Variants in HPGDS observed in about 807,000 individuals in gnomAD.
The protein encoded by HPGDS is GST class-sigma.
A neutral mutation model predicts 23.1 loss-of-function variants in HPGDS; 26 were observed. That is an observed-to-expected ratio of 1.13 (90% CI 0.83 to 1.56). The LOEUF (loss-of-function observed/expected upper bound fraction) is 1.56, where lower values mean the gene tolerates loss of function less well. Among genes scored for constraint, HPGDS ranks in the 40% most tolerant of loss-of-function variants. The pLI, the probability that HPGDS is intolerant of heterozygous loss-of-function variation, is 0.00. For synonymous variants in HPGDS, 95 were observed against 77.9 expected (o/e 1.22, Z -1.16); for missense variants, 268 against 236.4 (o/e 1.13, Z -0.88).
intron 1 of HPGDS, among the ~76,000 whole-genome samples, chr4:94,340,311 C>CTTT (rs869240610): frequency 2.5e-4 from 6 of 23,672 alleles, no homozygotes; most frequent in African/African-American, 8.8e-4. Context: ...CTTTCTTTCT[C>CTTT]TTTTTTTTTT....
chr4:94,330,442 TC>T (rs1397288760), intron 2 of HPGDS, among the ~76,000 whole-genome samples: 3 of 152,190 alleles, frequency 2.0e-5, no homozygotes, highest in Non-Finnish European at 4.4e-5. Context: ...AGCTTTTTTT[TC>T]CATGACGTCT....
At chr4:94,326,830 C>T (rs1756639689) in intron 2 of HPGDS, among the ~76,000 whole-genome samples, 1 of 151,816 alleles carries the variant, frequency 6.6e-6, no homozygotes, top group African/African-American at 2.4e-5. Context: ...AGTAGTCGCT[C>T]CTTTCAGTTT....
chr4:94,311,809 T>C (rs1351870198), intron 3 of HPGDS, among the ~76,000 whole-genome samples: 1 of 151,340 alleles, frequency 6.6e-6, no homozygotes, highest in African/African-American at 2.5e-5. Context: ...ATTGCCTCAA[T>C]TTGAGAGTCT....
intron 4 of HPGDS, among the ~76,000 whole-genome samples, chr4:94,303,348 G>T (rs974373271): frequency 6.6e-6 from 1 of 152,064 alleles, no homozygotes; most frequent in Non-Finnish European, 1.5e-5. Context: ...TCAGATATCG[G>T]TTCTTGAGAT....
intron 3 of HPGDS, among the ~76,000 whole-genome samples, chr4:94,315,709 G>A (rs138872388): frequency 1.4e-4 from 21 of 152,218 alleles, no homozygotes; most frequent in East Asian, 9.7e-4. Flanking sequence ...TGTTAAAATC[G>A]AAAGAAAATT....
chr4:94,318,776 G>A (rs201030247), intron 2 of HPGDS, among the ~76,000 whole-genome samples: 5 of 152,010 alleles, frequency 3.3e-5, no homozygotes, highest in Admixed American at 6.6e-5. Flanking sequence ...GCAGTGGTGC[G>A]ATCTCAGCTC....
At chr4:94,300,672 T>C (rs909979748) in intron 5 of HPGDS, among the ~76,000 whole-genome samples, 1 of 152,090 alleles carries the variant, frequency 6.6e-6, no homozygotes, top group Non-Finnish European at 1.5e-5. Flanking sequence ...CCTTCTCTCA[T>C]GTAGCTTTTA....
At chr4:94,317,238 A>G (rs1756415062) in intron 3 of HPGDS, among the ~76,000 whole-genome samples, 1 of 152,172 alleles carries the variant, frequency 6.6e-6, no homozygotes, top group South Asian at 2.1e-4. Flanking sequence ...TTTGGCTCAA[A>G]AAGGGTGTGA....
At chr4:94,300,259 A>G (rs532882883) in intron 5 of HPGDS, among the ~76,000 whole-genome samples, 3 of 152,360 alleles carry the variant, frequency 2.0e-5, no homozygotes, top group Non-Finnish European at 4.4e-5. Context: ...TGGCTAAAAT[A>G]CATTATATTG....
At chr4:94,302,647 T>C (rs1756065343) in intron 4 of HPGDS, among the ~76,000 whole-genome samples, 1 of 152,238 alleles carries the variant, frequency 6.6e-6, no homozygotes, top group Middle Eastern at 3.4e-3. Flanking sequence ...AGAAATTTAT[T>C]TTATTTCGTA....
intron 4 of HPGDS, among the ~76,000 whole-genome samples, chr4:94,306,028 G>A (rs1290624463): frequency 6.6e-6 from 1 of 152,098 alleles, no homozygotes; most frequent in East Asian, 1.9e-4. Context: ...ATAACACATA[G>A]AGCTGAGAGT....
chr4:94,299,780 T>A (rs552848541), intron 5 of HPGDS, 136 bp from the exon 6 acceptor site: 45 of 807,266 alleles, frequency 5.6e-5, no homozygotes, highest in African/African-American at 5.4e-4. Context: ...GTTTATATGA[T>A]AGAAGTTCAG....
chr4:94,322,478 G>C (rs1756534766), intron 2 of HPGDS, among the ~76,000 whole-genome samples: 2 of 152,198 alleles, frequency 1.3e-5, no homozygotes, highest in Non-Finnish European at 1.5e-5. Context: ...ACTTCTTCCT[G>C]GTTTATTTTG....
intron 1 of HPGDS, among the ~76,000 whole-genome samples, chr4:94,337,700 A>G (rs1041317844): frequency 6.6e-6 from 1 of 152,206 alleles, no homozygotes; most frequent in Non-Finnish European, 1.5e-5. Context: ...AGTTAACAGC[A>G]TTAAAAGTTA....
At chr4:94,309,739 CCCA>C (rs1385845468) in intron 3 of HPGDS, among the ~76,000 whole-genome samples, 1 of 151,728 alleles carries the variant, frequency 6.6e-6, no homozygotes, top group African/African-American at 2.4e-5. Context: ...AGTTTACAGT[CCCA>C]CCAACAGTGT....
chr4:94,333,292 C>G (rs746663483), intron 2 of HPGDS, among the ~76,000 whole-genome samples: 1 of 152,170 alleles, frequency 6.6e-6, no homozygotes, highest in Non-Finnish European at 1.5e-5. Flanking sequence ...ATTAAATCAG[C>G]ATCTCTCAAT....
chr4:94,330,566 A>G (rs1756717510), intron 2 of HPGDS, among the ~76,000 whole-genome samples: 1 of 152,236 alleles, frequency 6.6e-6, no homozygotes, highest in African/African-American at 2.4e-5. Context: ...ATAAGGAGAC[A>G]GATCTCAACT....
chr4:94,301,350 GA>G (rs1298935707), intron 5 of HPGDS, among the ~76,000 whole-genome samples: 1 of 152,182 alleles, frequency 6.6e-6, no homozygotes, highest in East Asian at 1.9e-4. Context: ...ACTTTTTTGT[GA>G]TTATTGATGG....
chr4:94,304,351 C>T (rs1013380477), intron 4 of HPGDS, among the ~76,000 whole-genome samples: 2 of 152,072 alleles, frequency 1.3e-5, no homozygotes, highest in Non-Finnish European at 2.9e-5. Flanking sequence ...ACCAAAGTAA[C>T]ACTAATGGTG....
Sources: gnomAD v4.1 joint callset for allele counts (sites outside exome capture counted in the v4.1 genomes callset) on GRCh38, gnomAD v4.1.1 for gene constraint, MANE v1.5 for transcripts, NCBI Gene and HGNC (gene_info 2026-07-23, HGNC 2026-07-21) for gene names.